ACAP2: variants seen among roughly 807,000 people sequenced by gnomAD.
The protein encoded by ACAP2 is ArfGAP with coiled-coil, ankyrin repeat and PH domains 2.
A neutral mutation model predicts 115.8 loss-of-function variants in ACAP2; 39 were observed. The ratio of observed to expected loss-of-function variants is 0.34; its 90% confidence interval spans 0.26 to 0.44. The LOEUF is 0.44. Ranked by LOEUF, ACAP2 falls within the 20% of genes least tolerant of loss-of-function variation. The pLI is 1.00. For missense variants in ACAP2, 662 were observed against 927.6 expected, an observed-to-expected ratio of 0.71 and a Z score of 3.72; for synonymous variants, 289 against 315.8, an observed-to-expected ratio of 0.92 and a Z score of 0.90.
intron 4 of ACAP2, among the ~76,000 whole-genome samples, chr3:195,379,020 A>C (rs1005694549): frequency 6.6e-6 from 1 of 152,154 alleles, no homozygotes; most frequent in Non-Finnish European, 1.5e-5. Flanking sequence ...AAATTATAGA[A>C]AAAACATTTA....
At chr3:195,346,390 G>A (rs545962680) in intron 4 of ACAP2, among the ~76,000 whole-genome samples, 1 of 152,172 alleles carries the variant, frequency 6.6e-6, no homozygotes, top group South Asian at 2.1e-4. Context: ...GAAAGAAGAC[G>A]CAAATTTCAA....
intron 1 of ACAP2, among the ~76,000 whole-genome samples, chr3:195,403,485 A>G (rs1712487231): frequency 6.6e-6 from 1 of 152,252 alleles, no homozygotes; most frequent in African/African-American, 2.4e-5. Context: ...AGGAGGCTAC[A>G]GCAGTCATCC....
intron 8 of ACAP2, among the ~76,000 whole-genome samples, chr3:195,331,919 G>A (rs191947374): frequency 3.9e-5 from 6 of 152,104 alleles, no homozygotes; most frequent in Admixed American, 3.9e-4. Flanking sequence ...CAGATCACGA[G>A]GTCAGGAGAT....
intron 1 of ACAP2, among the ~76,000 whole-genome samples, chr3:195,416,016 T>C (rs769492280): frequency 5.9e-5 from 9 of 152,116 alleles, no homozygotes; most frequent in Non-Finnish European, 8.8e-5. Flanking sequence ...AGGCAACTTA[T>C]AGAAGAGGAA....
At chr3:195,398,162 A>T (rs1388450673) in intron 1 of ACAP2, among the ~76,000 whole-genome samples, 2 of 152,168 alleles carry the variant, frequency 1.3e-5, no homozygotes, top group African/African-American at 4.8e-5. Flanking sequence ...TGAAATATTT[A>T]AAAATCCACT....
chr3:195,388,477 G>A (rs1734442673), intron 2 of ACAP2, among the ~76,000 whole-genome samples: 1 of 152,158 alleles, frequency 6.6e-6, no homozygotes, highest in African/African-American at 2.4e-5. Flanking sequence ...ATGAACTACT[G>A]GTGGCATACA....
In ACAP2 at chr3:195,294,606, A is replaced by ATTTT. The variant is rs1429554334; in HGVS notation, c.1765+112_1765+113insAAAA. 290 of 91,848 alleles carry ATTTT rather than the reference A, an allele frequency of 3.2e-3. 1 individual carries two copies. The highest frequency in any genetic ancestry group is 0.014 in the African/African-American group (281 of 19,578). 5.7% of individuals were successfully genotyped at this position (91,848 alleles called of 1,614,324 possible). A position where few individuals can be genotyped will look rare whatever the true frequency, so the allele number is the denominator to read the frequency against. On this transcript the variant is annotated intron_variant, in intron 18 of 22. Transcript: ENST00000326793. ...AAAAAAAAGAAGAAAAAAAAAAAAA[A>ATTTT]AATTATATATATATATATATATATA...
chr3:195,351,811 T>C (rs1731630556), intron 4 of ACAP2, among the ~76,000 whole-genome samples: 1 of 152,124 alleles, frequency 6.6e-6, no homozygotes, highest in African/African-American at 2.4e-5. Context: ...CCAAAGAAGA[T>C]CCATAGATGG....
At chr3:195,298,697 T>A (rs1315822648) in intron 15 of ACAP2, among the ~76,000 whole-genome samples, 2 of 152,134 alleles carry the variant, frequency 1.3e-5, no homozygotes, top group East Asian at 3.9e-4. Context: ...AATGGCACAA[T>A]CTCGGCTCAC....
Position 195,383,635 on chromosome 3 carries a change from CAA to C in ACAP2, c.112-1615_112-1614del, listed in dbSNP as rs536055577. On this transcript the variant is annotated intron_variant, in intron 2 of 22. Coordinates refer to ENST00000326793, the MANE Select transcript of ACAP2 (RefSeq NM_012287.6). ...AAGGATGCAAAGCTCAAATACTATG[CAA>C]AAAAAAACTGATCAATCCAATTACA... Among the ~76,000 whole-genome samples, 159 of 140,854 alleles carry C rather than the reference CAA, an allele frequency of 1.1e-3. 1 individual carries two copies. The highest frequency in any genetic ancestry group is 3.9e-3 in the African/African-American group (152 of 38,502). 92.4% of individuals were successfully genotyped at this position (140,854 alleles called of 152,430 possible). A position where few individuals can be genotyped will look rare whatever the true frequency, so the allele number is the denominator to read the frequency against.
intron 1 of ACAP2, among the ~76,000 whole-genome samples, chr3:195,394,428 A>G (rs1711572358): frequency 6.6e-6 from 1 of 152,234 alleles, no homozygotes; most frequent in South Asian, 2.1e-4. Context: ...GGTTTCTACT[A>G]AACAAATGGG....
Position 195,342,550 on chromosome 3 carries a change from T to C in ACAP2, c.449A>G (p.His150Arg). 1 of 1,613,164 alleles carries C rather than the reference T, an allele frequency of 6.2e-7. No homozygotes were observed. The change falls in exon 6 of 23, where the codon CAT (histidine) becomes CGT (arginine). Residue 150 changes from histidine to arginine, a missense_variant. Physicochemically the swap from His to Arg is conservative, Grantham distance 29. Around this residue, in one of 3 missense-constraint regions of ACAP2, gnomAD observed 401 missense variants for 604.4 expected, o/e 0.66. Coordinates refer to ENST00000326793, the MANE Select transcript of ACAP2 (RefSeq NM_012287.6). ...AATGTTGGTGGCTTCTTCAACTTCA[T>C]GTTGTTTGTTTCTTTGTACTTGGGC... is the stretch of plus-strand genomic sequence containing the variant. ...KNAQVQRNKQ[H>R]EVEEATNILT...
intron 2 of ACAP2, among the ~76,000 whole-genome samples, chr3:195,390,976 C>A (rs188436521): frequency 6.6e-6 from 1 of 152,080 alleles, no homozygotes; most frequent in Non-Finnish European, 1.5e-5. Flanking sequence ...CCAAAAAAAT[C>A]ATCAATAATA....
At chr3:195,282,426 T>G (rs900438225) in intron 22 of ACAP2, 3 of 152,228 alleles carry the variant, frequency 2.0e-5, no homozygotes, top group African/African-American at 7.2e-5. Flanking sequence ...TAACAAAACA[T>G]TAATTAATGC....
chr3:195,403,900 G>A (rs1712523810), intron 1 of ACAP2, among the ~76,000 whole-genome samples: 1 of 152,140 alleles, frequency 6.6e-6, no homozygotes, highest in Non-Finnish European at 1.5e-5. Flanking sequence ...AGAGCACATA[G>A]ATAGTATCGG....
rs545655019 is a variant in ACAP2 at position 195,338,437 on chromosome 3, G to A, written c.529-1461C>T. ...AGCAATGCTCCCATCTCAGCTTCCC[G>A]AGTAGCTGGGTAGCTGGGACTACAG... On this transcript the variant is annotated intron_variant, in intron 6 of 22. Transcript: ENST00000326793. Among the ~76,000 whole-genome samples, 226 of 152,168 alleles carry A rather than the reference G, an allele frequency of 1.5e-3. No individual in the cohort carries two copies. The Middle Eastern group carries it at 0.017, about 11-fold the overall frequency.
In ACAP2 at chr3:195,277,712, G is replaced by A. The variant is rs779236841; in HGVS notation, c.*1616C>T. On this transcript the variant is annotated 3_prime_UTR_variant, in exon 23 of 23. Transcript: ENST00000326793. Reference sequence around the variant, plus strand: ...TTTTAAAACCTCTTATTTAGAAAGAGTATCAATAATATCATTTACATATAA... The same window carrying A: ...TTTTAAAACCTCTTATTTAGAAAGAATATCAATAATATCATTTACATATAA... 1 of 152,226 alleles carries A rather than the reference G, an allele frequency of 6.6e-6. No homozygotes were observed. The highest frequency in any genetic ancestry group is 1.5e-5 in the Non-Finnish European group (1 of 68,010). The allele number at this position is 152,226 out of a possible 1,614,324, so 9.4% of individuals were successfully genotyped here. A position where few individuals can be genotyped will look rare whatever the true frequency, so the allele number is the denominator to read the frequency against.
intron 4 of ACAP2, among the ~76,000 whole-genome samples, chr3:195,361,495 C>A (rs1383309946): frequency 6.7e-6 from 1 of 149,630 alleles, no homozygotes; most frequent in African/African-American, 2.5e-5. Flanking sequence ...GGAAACACAA[C>A]AAACCGAAGC....
rs1358578335 is a variant in ACAP2 at position 195,381,069 on chromosome 3, G to GA, written c.232-8dup. 1.3e-6 allele frequency: 2 copies of GA among 1,587,462 alleles called. No homozygotes were observed. The highest frequency in any genetic ancestry group is 1.2e-5 in the South Asian group (1 of 85,544). On this transcript the variant is annotated splice_region_variant and splice_polypyrimidine_tract_variant and intron_variant, in intron 3 of 22. Coordinates refer to ENST00000326793, the MANE Select transcript of ACAP2 (RefSeq NM_012287.6). ...AAAACTTGGTCAAACTTGTCTATGA[G>GA]AAAAAAAGCAAAAGAAAACCAAATC...
Sources: allele counts gnomAD v4.1 joint callset (sites outside exome capture counted in the v4.1 genomes callset), GRCh38; gene constraint gnomAD v4.1.1; regional missense constraint gnomAD v4.1.1; transcripts MANE v1.5; gene names NCBI Gene and HGNC (gene_info 2026-07-23, HGNC 2026-07-21).